Variants in MCF2L2 observed in about 807,000 individuals in gnomAD.
MCF2L2 encodes the protein probable guanine nucleotide exchange factor MCF2L2.
Under a neutral mutation model 150.2 loss-of-function variants are expected in MCF2L2, and 102 were observed. That is an observed-to-expected ratio of 0.68 (90% CI 0.58 to 0.80). The LOEUF is 0.80. Among genes scored for constraint, MCF2L2 ranks in the 30% least tolerant of loss-of-function variants. The pLI is 0.00. For synonymous variants in MCF2L2, 465 were observed against 491.3 expected, an observed-to-expected ratio of 0.95 and a Z score of 0.71; for missense variants, 1,256 against 1,372.8, an observed-to-expected ratio of 0.91 and a Z score of 1.34.
chr3:183,202,331 C>T (rs1722316300), intron 25 of MCF2L2, among the ~76,000 whole-genome samples: 1 of 152,106 alleles, frequency 6.6e-6, no homozygotes, highest in Non-Finnish European at 1.5e-5. Flanking sequence ...CAAACATGGG[C>T]TAATCAGAAG....
intron 27 of MCF2L2, among the ~76,000 whole-genome samples, chr3:183,189,429 T>G (rs1296571558): frequency 1.3e-5 from 2 of 152,178 alleles, no homozygotes; most frequent in African/African-American, 4.8e-5. Flanking sequence ...GGGACAGATC[T>G]TGGAAAGGGC....
chr3:183,356,469 C>T (rs550775295), intron 3 of MCF2L2, among the ~76,000 whole-genome samples: 15 of 152,028 alleles, frequency 9.9e-5, no homozygotes, highest in Non-Finnish European at 1.9e-4. Flanking sequence ...GTCGAGATTG[C>T]GCCACTGCAC....
intron 3 of MCF2L2, chr3:183,379,011 G>C (rs1291663600): frequency 5.9e-6 from 2 of 338,112 alleles, no homozygotes; most frequent in Admixed American, 5.0e-5. Context: ...AATAGCCTAA[G>C]GAACAAAGGC....
intron 17 of MCF2L2, among the ~76,000 whole-genome samples, chr3:183,228,830 A>G (rs1723446812): frequency 2.0e-5 from 3 of 152,158 alleles, no homozygotes; most frequent in Non-Finnish European, 4.4e-5. Context: ...TGCTATTACT[A>G]ATATCATTGA....
At chr3:183,229,009 C>G (rs970765053) in intron 17 of MCF2L2, among the ~76,000 whole-genome samples, 2 of 152,106 alleles carry the variant, frequency 1.3e-5, no homozygotes, top group African/African-American at 4.8e-5. Flanking sequence ...TTGCGTCTGA[C>G]CAACGGACGA....
chr3:183,276,395 T>A (rs1029347560), intron 15 of MCF2L2, among the ~76,000 whole-genome samples: 5 of 152,200 alleles, frequency 3.3e-5, no homozygotes, highest in African/African-American at 1.2e-4. Context: ...GGATTCTGAG[T>A]ATAAATATTT....
At chr3:183,322,260 A>G (rs1729842379) in intron 6 of MCF2L2, among the ~76,000 whole-genome samples, 1 of 152,250 alleles carries the variant, frequency 6.6e-6, no homozygotes, top group African/African-American at 2.4e-5. Flanking sequence ...ACTATATATC[A>G]GGTGCTTTCA....
rs568976073 is a variant in MCF2L2 at position 183,370,308 on chromosome 3, GC to G, written c.275+8988del. ...TCGTGTGGAACCAGCAGATGCGGATGCAAGCTATAACACAGGTGAGCTGGGC... is the reference window on the plus strand; with the variant it reads ...TCGTGTGGAACCAGCAGATGCGGATGAAGCTATAACACAGGTGAGCTGGGC... On this transcript the variant is annotated intron_variant, in intron 3 of 29. Coordinates refer to ENST00000328913, the MANE Select transcript of MCF2L2 (RefSeq NM_015078.4). 2.7e-3 allele frequency among the ~76,000 whole-genome samples: 408 copies of G among 152,348 alleles called. 2 individuals are homozygous for G. The highest frequency in any genetic ancestry group is 9.3e-3 in the South Asian group (45 of 4,832).
At chr3:183,202,586 C>T (rs1023936044) in intron 25 of MCF2L2, among the ~76,000 whole-genome samples, 6 of 152,186 alleles carry the variant, frequency 3.9e-5, no homozygotes, top group African/African-American at 1.4e-4. Context: ...GCACACAGAG[C>T]CCCTTGGCAA....
intron 3 of MCF2L2, among the ~76,000 whole-genome samples, chr3:183,345,773 C>G (rs1260187801): frequency 6.6e-6 from 1 of 152,202 alleles, no homozygotes; most frequent in Non-Finnish European, 1.5e-5. Context: ...AAACTACCAT[C>G]AGAGAATACT....
intron 15 of MCF2L2, among the ~76,000 whole-genome samples, chr3:183,275,179 CT>C (rs1727091713): frequency 1.3e-5 from 2 of 152,170 alleles, no homozygotes; most frequent in South Asian, 4.1e-4. Flanking sequence ...GTACTACCTA[CT>C]AATCATTCCA....
intron 3 of MCF2L2, among the ~76,000 whole-genome samples, chr3:183,349,753 T>G (rs915399161): frequency 6.6e-6 from 1 of 152,200 alleles, no homozygotes; most frequent in African/African-American, 2.4e-5. Context: ...GCTTTCAGAC[T>G]CAGCTGTCTG....
intron 15 of MCF2L2, among the ~76,000 whole-genome samples, chr3:183,231,389 C>T (rs1723552748): frequency 1.3e-5 from 2 of 150,838 alleles, no homozygotes; most frequent in Non-Finnish European, 3.0e-5. Flanking sequence ...CACCCCCACC[C>T]CCTATATTGT....
intron 5 of MCF2L2, among the ~76,000 whole-genome samples, chr3:183,326,523 A>ACAAAG (rs1730045571): frequency 6.7e-6 from 1 of 149,700 alleles, no homozygotes; most frequent in South Asian, 2.1e-4. Context: ...AAAACAAAAA[A>ACAAAG]AAACCCACAA....
chr3:183,427,395 G>C (rs1716220416), intron 1 of MCF2L2, among the ~76,000 whole-genome samples: 1 of 152,188 alleles, frequency 6.6e-6, no homozygotes, highest in Admixed American at 6.5e-5. Flanking sequence ...TAACCCTCCA[G>C]GCAGCACAGT....
At chr3:183,298,764 T>TGCGCGCGCGCGC (rs1553776998) in intron 11 of MCF2L2, 20 of 60,324 alleles carry the variant, frequency 3.3e-4, no homozygotes, top group African/African-American at 2.5e-3. Context: ...CAAACACACA[T>TGCGCGCGCGCGC]GCACACACAC....
intron 3 of MCF2L2, among the ~76,000 whole-genome samples, chr3:183,350,626 C>T (rs1329448692): frequency 2.6e-5 from 4 of 152,240 alleles, no homozygotes; most frequent in South Asian, 4.1e-4. Flanking sequence ...CATTAGAGGC[C>T]GGGCGCGGGG....
chr3:183,183,509 T>C (rs1721597592), intron 27 of MCF2L2, among the ~76,000 whole-genome samples: 1 of 152,264 alleles, frequency 6.6e-6, no homozygotes, highest in South Asian at 2.1e-4. Flanking sequence ...GAAGGTGCTC[T>C]GGAGTCAGTC....
chr3:183,216,417 G>T (rs1722914766), intron 21 of MCF2L2, among the ~76,000 whole-genome samples: 1 of 140,362 alleles, frequency 7.1e-6, no homozygotes. Context: ...TGTTTCTTAT[G>T]TGTATATATA....
Sources: gnomAD v4.1 joint callset for allele counts (sites outside exome capture counted in the v4.1 genomes callset) on GRCh38, gnomAD v4.1.1 for gene constraint, MANE v1.5 for transcripts, NCBI Gene and HGNC (gene_info 2026-07-23, HGNC 2026-07-21) for gene names.